CENPL: variants seen among roughly 807,000 people sequenced by gnomAD.
CENPL encodes the protein centromere protein L, also known as interphase centromere complex protein 33.
In CENPL, 20 loss-of-function variants were observed where a neutral mutation model predicts 35.2. The ratio of observed to expected loss-of-function variants is 0.57; its 90% CI spans 0.40 to 0.83. The LOEUF is 0.83. Among genes scored for constraint, CENPL ranks in the 40% least tolerant of loss-of-function variants. The pLI is 0.00. For synonymous variants in CENPL, 140 were observed against 140.6 expected (o/e 1.00, Z 0.03); for missense variants, 363 against 395.8 (o/e 0.92, Z 0.70).
In CENPL at chr1:173,811,056, A is replaced by G; in HGVS notation, c.168+76T>C. ...GTTAAGAAGATACTAAGAATACTAT[A>G]GTTACAAAAATTGAAATGTTTTGTT... On this transcript the variant is annotated intron_variant, in intron 3 of 5. Transcript: ENST00000682279. 4 of 1,347,378 alleles carry G rather than the reference A, an allele frequency of 3.0e-6. No individual in the cohort carries two copies. The East Asian group carries it at 9.3e-5, about 31-fold the overall frequency. The allele number at this position is 1,347,378 out of a possible 1,614,324, so 83.5% of individuals were successfully genotyped here.
rs185228133 is a variant in CENPL, at chr1:173,811,885, G to A, written c.-7-579C>T. On this transcript the variant is annotated intron_variant, in intron 2 of 5. Transcript: ENST00000682279. ...GCATTGCCCCACCTGGGAAGCGCAAGGGGTCCAGGGATTTCCCTTTCCTAG... is the reference window on the plus strand; with the variant it reads ...GCATTGCCCCACCTGGGAAGCGCAAAGGGTCCAGGGATTTCCCTTTCCTAG... Among the ~76,000 whole-genome samples, 43 of 152,354 alleles carry A rather than the reference G, an allele frequency of 2.8e-4. No individual in the cohort carries two copies. In the East Asian group the frequency reaches 8.1e-3, roughly 29 times the overall value.
At chr1:173,803,545 C>T in intron 4 of CENPL, 40 bp from the exon 5 acceptor site, 1 of 1,488,352 alleles carries the variant, frequency 6.7e-7, no homozygotes, top group Non-Finnish European at 9.0e-7. Flanking sequence ...TTCAAAAGTA[C>T]ATTTACTTCT....
Position 173,803,248 on chromosome 1 carries a change from A to G in CENPL, c.678T>C (p.Thr226=). 1 of 1,614,072 alleles carries G rather than the reference A, an allele frequency of 6.2e-7. No individual in the cohort carries two copies. The highest frequency in any genetic ancestry group is 8.5e-7 in the Non-Finnish European group (1 of 1,179,888). Residue 226 remains threonine (T), a synonymous_variant, in exon 5 of 6, where the codon ACT becomes ACC. Coordinates refer to ENST00000682279, the MANE Select transcript of CENPL (RefSeq NM_001387287.1). ...CCACATAATGGTCCATTTTGCATGC[A>G]GTCCACATGGCAGCCATCCAGGAAA... ...FNLSWMAAMW[T]ACKMDHYVAT...
intron 3 of CENPL, among the ~76,000 whole-genome samples, chr1:173,810,460 G>A (rs2102584934): frequency 6.6e-6 from 1 of 152,036 alleles, no homozygotes; most frequent in South Asian, 2.1e-4. Flanking sequence ...CAACCCCCAT[G>A]ACGCACGTTT....
At chr1:173,814,637 A>G (rs1651177704) in intron 2 of CENPL, among the ~76,000 whole-genome samples, 1 of 152,258 alleles carries the variant, frequency 6.6e-6, no homozygotes, top group South Asian at 2.1e-4. Context: ...GAAACCAATG[A>G]GAACAAAGAC....
At chr1:173,809,692 G>C (rs1250781422) in intron 3 of CENPL, among the ~76,000 whole-genome samples, 2 of 151,632 alleles carry the variant, frequency 1.3e-5, no homozygotes, top group African/African-American at 4.8e-5. Flanking sequence ...ACATACATGA[G>C]GCCAACAATC....
chr1:173,822,739 C>T (rs1652078330), intron 2 of CENPL: 1 of 152,062 alleles, frequency 6.6e-6, no homozygotes, highest in African/African-American at 2.4e-5. Flanking sequence ...ATCAAATTCT[C>T]ACATATTTCT....
At chr1:173,803,635 T>A in intron 4 of CENPL, 130 bp from the exon 5 acceptor site, 1 of 751,988 alleles carries the variant, frequency 1.3e-6, no homozygotes, top group Non-Finnish European at 2.1e-6. Flanking sequence ...ATAGAGGGAA[T>A]AGTCTCCCTA....
intron 2 of CENPL, among the ~76,000 whole-genome samples, chr1:173,820,736 A>C (rs964792525): frequency 6.6e-6 from 1 of 152,238 alleles, no homozygotes; most frequent in African/African-American, 2.4e-5. Context: ...CTCAGCAATG[A>C]AAAGAAACAA....
At chr1:173,810,542 C>T (rs1020536551) in intron 3 of CENPL, among the ~76,000 whole-genome samples, 8 of 151,998 alleles carry the variant, frequency 5.3e-5, no homozygotes, top group Non-Finnish European at 7.4e-5. Context: ...AAAAAAATAC[C>T]GTGGACATGA....
intron 4 of CENPL, among the ~76,000 whole-genome samples, chr1:173,805,343 C>A (rs950362095): frequency 2.6e-5 from 4 of 151,988 alleles, no homozygotes; most frequent in African/African-American, 9.7e-5. Context: ...ACGGTGAAAC[C>A]CTGTCTCTAT....
intron 2 of CENPL, 98 bp from the exon 3 acceptor site, chr1:173,811,404 TTC>T: frequency 1.2e-6 from 1 of 832,040 alleles, no homozygotes; most frequent in Non-Finnish European, 1.8e-6. Flanking sequence ...TCCTTTCTCT[TTC>T]TGTCTTTTCC....
At chr1:173,811,884 A>G (rs1473683731) in intron 2 of CENPL, among the ~76,000 whole-genome samples, 1 of 152,250 alleles carries the variant, frequency 6.6e-6, no homozygotes, top group East Asian at 1.9e-4. Context: ...GGGAAGCGCA[A>G]GGGGTCCAGG....
intron 3 of CENPL, 44 bp from the exon 4 acceptor site, chr1:173,807,562 A>G (rs767396667): frequency 7.1e-7 from 1 of 1,407,280 alleles, no homozygotes; most frequent in East Asian, 2.3e-5. Flanking sequence ...GAATTAGGAA[A>G]CAATAAGAAT....
chr1:173,818,710 C>T (rs1353724390), intron 2 of CENPL, among the ~76,000 whole-genome samples: 1 of 152,156 alleles, frequency 6.6e-6, no homozygotes, highest in Non-Finnish European at 1.5e-5. Context: ...GATATACCAG[C>T]ACACATAGCT....
At chr1:173,801,718 A>T (rs1219016358) in intron 5 of CENPL, among the ~76,000 whole-genome samples, 2 of 148,430 alleles carry the variant, frequency 1.3e-5, no homozygotes, top group Admixed American at 1.3e-4. Flanking sequence ...TACTCGGGAG[A>T]CTGAGGCAGG....
At chr1:173,812,808 T>A (rs1241150723) in intron 2 of CENPL, among the ~76,000 whole-genome samples, 2 of 152,140 alleles carry the variant, frequency 1.3e-5, no homozygotes, top group African/African-American at 2.4e-5. Flanking sequence ...GGAACAAAGC[T>A]GGATGGAGAA....
chr1:173,807,404 G>A lies in CENPL; in HGVS notation c.283C>T (p.Leu95Phe), dbSNP rs758033141. 15 of 1,612,964 alleles carry A rather than the reference G, an allele frequency of 9.3e-6. No individual in the cohort carries two copies. The South Asian group carries it at 9.9e-5, about 11-fold the overall frequency. ...TTTTCAGCAACAATAAAAGCATTGA[G>A]AAGTCTAGAATACTCTTTGAGATTA... ...YSNLKEYSRLLNAFIVAEKQK... is the reference protein window; with the variant it reads ...YSNLKEYSRLFNAFIVAEKQK... The change falls in exon 4 of 6, where the codon CTC (leucine) becomes TTC (phenylalanine). Residue 95 changes from leucine to phenylalanine, a missense_variant. Coordinates refer to ENST00000682279, the MANE Select transcript of CENPL (RefSeq NM_001387287.1).
At position 173,802,969 on chromosome 1, in the gene CENPL, T is replaced by G. The variant is rs144597243; in HGVS notation, c.957A>C (p.Lys319Asn). The change falls in exon 5 of 6, where the codon AAA becomes AAC. Residue 319 changes from lysine to asparagine, a missense_variant. Physicochemically the swap from Lys to Asn is moderately conservative, Grantham distance 94 (BLOSUM62 0). Coordinates refer to ENST00000682279, the MANE Select transcript of CENPL (RefSeq NM_001387287.1). ...CTAGATTGTTCAAACTAACCTTTAT[T>G]TTTCCATCAGTATGTGCTGAAGCTA... ...TSVASAHTDG[K>N]IKILCHKYLI... The G allele has an allele frequency of 8.8e-6, 14 of 1,592,388 alleles. No individual in the cohort carries two copies. The highest frequency in any genetic ancestry group is 1.1e-5 in the Non-Finnish European group (13 of 1,168,070).
Sources: gnomAD v4.1 joint callset for allele counts (sites outside exome capture counted in the v4.1 genomes callset) on GRCh38, gnomAD v4.1.1 for gene constraint, MANE v1.5 for transcripts, NCBI Gene and HGNC (gene_info 2026-07-23, HGNC 2026-07-21) for gene names.